Variants in AGBL1 observed in about 807,000 individuals in gnomAD.
The protein encoded by AGBL1 is AGBL carboxypeptidase 1, also known as cytosolic carboxypeptidase 4.
A neutral mutation model predicts 118.9 loss-of-function variants in AGBL1; 130 were observed. The ratio of observed to expected loss-of-function variants is 1.09; its 90% CI spans 0.95 to 1.26. The LOEUF is 1.26. Among genes scored for constraint, AGBL1 ranks in the 50% most tolerant of loss-of-function variants. AGBL1 has a pLI of 0.00. For synonymous variants in AGBL1, 555 were observed against 478.9 expected (o/e 1.16, Z -2.08); for missense variants, 1,584 against 1,298.1 (o/e 1.22, Z -3.38).
rs546537476 is a variant in AGBL1, at chr15:86,704,644, T to TG, written c.3158+30208_3158+30209insG. Among the ~76,000 whole-genome samples the TG allele has an allele frequency of 1.7e-3, 264 of 152,184 alleles. 3 individuals carry two copies. The East Asian group carries it at 0.022, about 13-fold the overall frequency. ...AAAGTCAGGAAACAACAGATGCTGG[T>TG]AGGCTGTGGAGAAACAGGAACGCTT... On this transcript the variant is annotated intron_variant, in intron 22 of 22. Transcript: ENST00000614907.
chr15:86,752,598 C>G (rs2077871780), intron 22 of AGBL1, among the ~76,000 whole-genome samples: 1 of 152,048 alleles, frequency 6.6e-6, no homozygotes, highest in African/African-American at 2.4e-5. Flanking sequence ...CTGCTCCAGG[C>G]TCTACCCCAT....
In AGBL1 at chr15:86,158,944, G is replaced by GTT; in HGVS notation, c.406_407insTT (p.Ala136ValfsTer39). 6.2e-7 allele frequency: 1 copy of GTT among 1,613,278 alleles called. No homozygotes were observed. Among genetic ancestry groups the GTT allele is most frequent in the Non-Finnish European group, 8.5e-7 (1 of 1,179,376 alleles). On this transcript the variant is annotated frameshift_variant, in exon 5 of 23. Transcript: ENST00000614907. LOFTEE classifies it high-confidence loss of function. ...TTTGTTTTTCTTAGTCTCCATGGGA[G>GTT]CCATGCTGGGAATTAATGGAGCCAT...
intron 22 of AGBL1, among the ~76,000 whole-genome samples, chr15:86,835,638 G>A (rs972241511): frequency 2.0e-5 from 3 of 152,172 alleles, no homozygotes; most frequent in Admixed American, 1.3e-4. Context: ...TGGTCACAGG[G>A]TGAGGGAATT....
At chr15:86,330,232 G>A (rs2080248816) in intron 17 of AGBL1, among the ~76,000 whole-genome samples, 1 of 152,198 alleles carries the variant, frequency 6.6e-6, no homozygotes, top group Admixed American at 6.5e-5. Context: ...CAAGGATCAA[G>A]TATATACCCA....
rs1439934202 is a variant in AGBL1, at chr15:86,914,428, C to T, written c.*7134C>T. 3 of 152,130 alleles carry T rather than the reference C, an allele frequency of 2.0e-5. No homozygotes were observed. The highest frequency in any genetic ancestry group is 2.9e-5 in the Non-Finnish European group (2 of 68,032). 9.4% of individuals were successfully genotyped at this position (152,130 alleles called of 1,614,324 possible). On this transcript the variant is annotated 3_prime_UTR_variant, in exon 23 of 23. Coordinates refer to ENST00000614907, the MANE Select transcript of AGBL1 (RefSeq NM_001386094.1). Reference sequence around the variant, plus strand: ...TGAAGTGCACCCATACTTAAAGAGACACGTTTAGTAAATGATAGAGCTGGA... The same window carrying T: ...TGAAGTGCACCCATACTTAAAGAGATACGTTTAGTAAATGATAGAGCTGGA...
chr15:86,638,597 T>C (rs2085141977), intron 21 of AGBL1, among the ~76,000 whole-genome samples: 1 of 152,148 alleles, frequency 6.6e-6, no homozygotes, highest in South Asian at 2.1e-4. Flanking sequence ...GCCCCACACT[T>C]TGTTCTTCAC....
At position 86,252,643 on chromosome 15, in the gene AGBL1, G is replaced by T. The variant is rs935988683; in HGVS notation, c.736-4210G>T. 7.2e-5 allele frequency among the ~76,000 whole-genome samples: 11 copies of T among 152,280 alleles called. 1 individual carries two copies. In the Middle Eastern group the frequency reaches 0.031, roughly 424 times the overall value. On this transcript the variant is annotated intron_variant, in intron 7 of 22. Coordinates refer to ENST00000614907, the MANE Select transcript of AGBL1 (RefSeq NM_001386094.1). The stretch of plus-strand genomic sequence containing the variant: ...GCTGACCAGAGAAGCCTCCATGAAG[G>T]CACCCACATTTGAATGAGGCTAGGA...
intron 1 of AGBL1, among the ~76,000 whole-genome samples, chr15:86,130,313 C>CA (rs1567073585): frequency 6.6e-6 from 1 of 151,232 alleles, no homozygotes; most frequent in Non-Finnish European, 1.5e-5. Flanking sequence ...AAGTTGGCTT[C>CA]TTTTTTTTTA....
In AGBL1 at chr15:86,264,469, A is replaced by AT; in HGVS notation, c.1299dup (p.Pro434SerfsTer13). 6.2e-7 allele frequency: 1 copy of AT among 1,613,908 alleles called. No homozygotes were observed. On this transcript the variant is annotated frameshift_variant, in exon 11 of 23. Transcript: ENST00000614907. LOFTEE classifies it high-confidence loss of function. ...ACTGTGCATCTAGGCTCCAAAAAAA[A>AT]TCCTGGAGTGAACCTGTACCAAAAT...
chr15:86,781,172 G>GT (rs2078331109), intron 22 of AGBL1, among the ~76,000 whole-genome samples: 1 of 151,762 alleles, frequency 6.6e-6, no homozygotes, highest in African/African-American at 2.4e-5. Context: ...AGTTCTCTCT[G>GT]TCATTACCTG....
At chr15:86,697,264 C>T (rs562281462) in intron 22 of AGBL1, among the ~76,000 whole-genome samples, 47 of 151,850 alleles carry the variant, frequency 3.1e-4, no homozygotes, top group African/African-American at 9.9e-4. Context: ...TTAACATAAT[C>T]CCAAACTTCT....
chr15:86,626,638 C>G (rs527438915), intron 21 of AGBL1, among the ~76,000 whole-genome samples: 1 of 152,150 alleles, frequency 6.6e-6, no homozygotes, highest in African/African-American at 2.4e-5. Context: ...TGCATGCATA[C>G]CCCTGAACTT....
intron 17 of AGBL1, among the ~76,000 whole-genome samples, chr15:86,328,492 T>C (rs1362343058): frequency 2.0e-5 from 3 of 152,150 alleles, no homozygotes; most frequent in Admixed American, 6.5e-5. Context: ...TAGAGGCTTG[T>C]AGCATGCCTC....
chr15:86,760,203 G>A (rs1416182384), intron 22 of AGBL1, among the ~76,000 whole-genome samples: 1 of 151,988 alleles, frequency 6.6e-6, no homozygotes, highest in African/African-American at 2.4e-5. Flanking sequence ...TCCCGGGCTG[G>A]GAGAAAATGA....
At chr15:86,290,976 T>C (rs2141758507) in intron 16 of AGBL1, among the ~76,000 whole-genome samples, 1 of 152,282 alleles carries the variant, frequency 6.6e-6, no homozygotes, top group East Asian at 1.9e-4. Context: ...TTACTGAGAA[T>C]GATGATTTCC....
intron 22 of AGBL1, among the ~76,000 whole-genome samples, chr15:86,883,236 A>G (rs1004403202): frequency 1.3e-5 from 2 of 152,242 alleles, no homozygotes; most frequent in African/African-American, 4.8e-5. Context: ...GTGCTTCAGC[A>G]TCTTCTTTAG....
At chr15:86,336,670 CAA>C (rs2141873484) in intron 17 of AGBL1, among the ~76,000 whole-genome samples, 1 of 152,210 alleles carries the variant, frequency 6.6e-6, no homozygotes, top group African/African-American at 2.4e-5. Context: ...TAATTTATAC[CAA>C]GATGGGAATA....
In AGBL1 at chr15:86,296,735, A is replaced by T. The variant is rs188306621; in HGVS notation, c.2374+1327A>T. The T allele has an allele frequency of 2.2e-3, 334 of 152,340 alleles. 1 individual carries two copies. Among genetic ancestry groups the T allele is most frequent in the African/African-American group, 7.7e-3 (322 of 41,570 alleles). The allele number at this position is 152,340 out of a possible 1,614,324, so 9.4% of individuals were successfully genotyped here. ...TTCCAAAAATTCTCTTCTGTGTTTT[A>T]TGCATTTAAGAGCAATTTCTGTAAC... On this transcript the variant is annotated intron_variant, in intron 17 of 22. Coordinates refer to ENST00000614907, the MANE Select transcript of AGBL1 (RefSeq NM_001386094.1).
At chr15:86,093,126 C>T (rs140513811) in intron 1 of AGBL1, among the ~76,000 whole-genome samples, 99 of 152,198 alleles carry the variant, frequency 6.5e-4, no homozygotes, top group African/African-American at 2.2e-3. Context: ...TAGTGATCCA[C>T]TCCCTGCTTT....
Sources: allele counts gnomAD v4.1 joint callset (sites outside exome capture counted in the v4.1 genomes callset), GRCh38; gene constraint gnomAD v4.1.1; transcripts MANE v1.5; gene names NCBI Gene and HGNC (gene_info 2026-07-23, HGNC 2026-07-21).